The following PHF3 variants were observed in gnomAD, a reference collection of about 807,000 sequenced individuals.
PHF3 encodes PHD finger protein 3.
PHF3 carries 41 observed loss-of-function variants against 178.4 expected under a neutral mutation model. The ratio of observed to expected loss-of-function variants is 0.23; its 90% CI spans 0.18 to 0.30. The LOEUF is 0.30. Ranked by LOEUF, PHF3 falls within the 10% of genes least tolerant of loss-of-function variation. The pLI, the probability that PHF3 is intolerant of heterozygous loss-of-function variation, is 1.00. For missense variants in PHF3, 2,346 were observed against 2,398.1 expected, an observed-to-expected ratio of 0.98 and a Z score of 0.45; for synonymous variants, 842 against 800.5, an observed-to-expected ratio of 1.05 and a Z score of -0.88.
chr6:63,667,326 A>T (rs1445368678), intron 2 of PHF3, among the ~76,000 whole-genome samples: 1 of 152,206 alleles, frequency 6.6e-6, no homozygotes, highest in African/African-American at 2.4e-5. Flanking sequence ...TAAGCTTTAA[A>T]AAAATTTTTA....
chr6:63,655,198 G>A (rs1765183632), intron 2 of PHF3, among the ~76,000 whole-genome samples: 1 of 152,026 alleles, frequency 6.6e-6, no homozygotes, highest in Non-Finnish European at 1.5e-5. Flanking sequence ...TAAGTAGCTG[G>A]GATTATAGGT....
At position 63,721,403 on chromosome 6, in the gene PHF3, C is replaced by T; in HGVS notation, c.*7695C>T. On this transcript the variant is annotated 3_prime_UTR_variant, in exon 16 of 16. Transcript: ENST00000262043. ...TGCATGTGTTGTACCCACAGGCTGT[C>T]CCATCACAGTCACCTACATTTGAGC... 1 of 1,551,510 alleles carries T rather than the reference C, an allele frequency of 6.4e-7. No homozygotes were observed. The highest frequency in any genetic ancestry group is 8.7e-7 in the Non-Finnish European group (1 of 1,146,810).
At chr6:63,681,174 GTTTAT>G (rs1766418544) in intron 3 of PHF3, among the ~76,000 whole-genome samples, 1 of 151,938 alleles carries the variant, frequency 6.6e-6, no homozygotes, top group Non-Finnish European at 1.5e-5. Flanking sequence ...TTGTTGAGAA[GTTTAT>G]TTTGATGTGT....
intron 3 of PHF3, among the ~76,000 whole-genome samples, chr6:63,682,792 A>T (rs963194350): frequency 6.6e-6 from 1 of 152,082 alleles, no homozygotes; most frequent in Non-Finnish European, 1.5e-5. Flanking sequence ...TTTATCTGAA[A>T]ATCCTTCACA....
At chr6:63,662,163 CT>C (rs982662869) in intron 2 of PHF3, among the ~76,000 whole-genome samples, 3 of 152,158 alleles carry the variant, frequency 2.0e-5, no homozygotes, top group African/African-American at 7.2e-5. Flanking sequence ...AAACCACCCC[CT>C]CATCCGTGGA....
At position 63,716,194 on chromosome 6, in the gene PHF3, G is replaced by GCTCT. The variant is rs1267340188; in HGVS notation, c.*2486_*2487insCTCT. Among the ~76,000 whole-genome samples, 2 of 152,150 alleles carry GCTCT rather than the reference G, an allele frequency of 1.3e-5. No homozygotes were observed. Among genetic ancestry groups the GCTCT allele is most frequent in the Non-Finnish European group, 2.9e-5 (2 of 68,014 alleles). ...AGAGCTGAGGAAACTGGAACTTAGA[G>GCTCT]AAGTTGGGAAACTTGGCCAGGTTAC... On this transcript the variant is annotated 3_prime_UTR_variant, in exon 16 of 16. Coordinates refer to ENST00000262043, the MANE Select transcript of PHF3 (RefSeq NM_001370348.2).
chr6:63,684,568 T>A lies in PHF3; in HGVS notation c.846T>A (p.Gly282=). The change falls in exon 4 of 16, where the codon GGT becomes GGA. Residue 282 remains glycine (G), a synonymous_variant. Coordinates refer to ENST00000262043, the MANE Select transcript of PHF3 (RefSeq NM_001370348.2). ...ALMECKAKPV[G]SPLFKFSDKE... ...TGGAATGTAAAGCCAAGCCTGTTGG[T>A]AGTCCATTGTTTAAGTTTTCAGATA... 1 of 1,614,006 alleles carries A rather than the reference T, an allele frequency of 6.2e-7. No homozygotes were observed. The highest frequency in any genetic ancestry group is 8.5e-7 in the Non-Finnish European group (1 of 1,179,908).
In PHF3 at chr6:63,685,493, C is replaced by A; in HGVS notation, c.1771C>A (p.Pro591Thr). 6.2e-7 allele frequency: 1 copy of A among 1,614,010 alleles called. No homozygotes were observed. The highest frequency in any genetic ancestry group is 8.5e-7 in the Non-Finnish European group (1 of 1,180,004). ...QDQTLVQIFK[P>T]LTHSLSDKSH... ...TCAAACTTTAGTACAAATTTTCAAG[C>A]CCTTAACTCATTCTTTGAGTGATAA... The change falls in exon 4 of 16, where the codon CCC becomes ACC. Residue 591 changes from proline (P) to threonine (T), a missense_variant. Transcript: ENST00000262043.
chr6:63,656,129 C>T (rs1765224511), intron 2 of PHF3, among the ~76,000 whole-genome samples: 1 of 152,200 alleles, frequency 6.6e-6, no homozygotes, highest in Non-Finnish European at 1.5e-5. Context: ...ATTTCTGGCC[C>T]AAGGCCGGAG....
intron 8 of PHF3, among the ~76,000 whole-genome samples, chr6:63,700,044 A>AT (rs1334320872): frequency 6.6e-6 from 1 of 152,096 alleles, no homozygotes; most frequent in Non-Finnish European, 1.5e-5. Flanking sequence ...TATACTATAG[A>AT]TTGCTTATTG....
chr6:63,711,276 A>G lies in PHF3; in HGVS notation c.3911A>G (p.Asn1304Ser). 7 of 1,613,752 alleles carry G rather than the reference A, an allele frequency of 4.3e-6. No homozygotes were observed. The highest frequency in any genetic ancestry group is 5.9e-6 in the Non-Finnish European group (7 of 1,179,722). Residue 1304 changes from asparagine to serine, a missense_variant, in exon 15 of 16, where the codon AAC (asparagine) becomes AGC (serine). Transcript: ENST00000262043. The stretch of plus-strand genomic sequence containing the variant: ...AAGCGCTATGGAGTAGCTGCTAACA[A>G]CATGAAGCAGGTTAAAGATATGTAC... ...SRKRYGVAANNMKQVKDMYLI... is the reference protein window; with the variant it reads ...SRKRYGVAANSMKQVKDMYLI...
Position 63,714,725 on chromosome 6 carries a change from T to C in PHF3, c.*1017T>C, listed in dbSNP as rs1768124894. On this transcript the variant is annotated 3_prime_UTR_variant, in exon 16 of 16. Transcript: ENST00000262043. Reference sequence around the variant, plus strand: ...TTTATAGGTAAGTTTCTGAAAACTTTTACACCATCGCAATTTGGTACTCTG... The same window carrying C: ...TTTATAGGTAAGTTTCTGAAAACTTCTACACCATCGCAATTTGGTACTCTG... 1 of 152,068 alleles carries C rather than the reference T, an allele frequency of 6.6e-6. No individual in the cohort carries two copies. Among genetic ancestry groups the C allele is most frequent in the Non-Finnish European group, 1.5e-5 (1 of 67,962 alleles). 9.4% of individuals were successfully genotyped at this position (152,068 alleles called of 1,614,324 possible).
At position 63,712,498 on chromosome 6, in the gene PHF3, C is replaced by G. The variant is rs141474565; in HGVS notation, c.4910C>G (p.Ala1637Gly). The change falls in exon 16 of 16, where the codon GCT becomes GGT. Residue 1637 changes from alanine (A) to glycine (G), a missense_variant. By Grantham distance (60) the Ala-to-Gly change is moderately conservative. Coordinates refer to ENST00000262043, the MANE Select transcript of PHF3 (RefSeq NM_001370348.2). ...GTGAGCTGTAGTGAAAACCTTGTTGCTAATACAGCGAGGTCTCCACAGTTT... is the reference window on the plus strand; with the variant it reads ...GTGAGCTGTAGTGAAAACCTTGTTGGTAATACAGCGAGGTCTCCACAGTTT... ...GNVSCSENLV[A>G]NTARSPQFIN... 6.2e-7 allele frequency: 1 copy of G among 1,613,852 alleles called. No homozygotes were observed. The highest frequency in any genetic ancestry group is 1.3e-5 in the African/African-American group (1 of 74,996).
rs1767000460 is a variant in PHF3 at position 63,691,592 on chromosome 6, A to G, written c.2190-145A>G. 9.1e-6 allele frequency: 6 copies of G among 660,328 alleles called. No individual in the cohort carries two copies. The Admixed American group carries it at 1.7e-4, about 19-fold the overall frequency. 40.9% of individuals were successfully genotyped at this position (660,328 alleles called of 1,614,324 possible). Reference sequence around the variant, plus strand: ...ATTATTTTCTTTGAAAACTTGCTGTATGTTGAACTTATGGAACGGATAGAG... The same window carrying G: ...ATTATTTTCTTTGAAAACTTGCTGTGTGTTGAACTTATGGAACGGATAGAG... On this transcript the variant is annotated intron_variant, in intron 4 of 15. Coordinates refer to ENST00000262043, the MANE Select transcript of PHF3 (RefSeq NM_001370348.2).
At chr6:63,648,140 A>G (rs1217375478) in intron 2 of PHF3, among the ~76,000 whole-genome samples, 1 of 152,184 alleles carries the variant, frequency 6.6e-6, no homozygotes, top group Non-Finnish European at 1.5e-5. Flanking sequence ...TTGCTTGCTA[A>G]TAGTGTATCT....
intron 2 of PHF3, among the ~76,000 whole-genome samples, chr6:63,649,135 G>A (rs763593413): frequency 1.7e-4 from 26 of 150,404 alleles, no homozygotes; most frequent in Non-Finnish European, 3.6e-4. Flanking sequence ...TAGAGACAGG[G>A]TCTTGTTATA....
At chr6:63,703,697 A>C (rs1292287917) in intron 11 of PHF3, 26 bp downstream of exon 11, 1 of 1,580,332 alleles carries the variant, frequency 6.3e-7, no homozygotes, top group Non-Finnish European at 8.6e-7. Flanking sequence ...TCTTCGTAAA[A>C]TTTTGCATTC....
chr6:63,705,305 AAGAG>A (rs1275930815), intron 11 of PHF3, among the ~76,000 whole-genome samples: 1 of 152,190 alleles, frequency 6.6e-6, no homozygotes, highest in East Asian at 1.9e-4. Flanking sequence ...TCACTTCACT[AAGAG>A]AGGAATTACT....
chr6:63,685,801 C>T lies in PHF3; in HGVS notation c.2079C>T (p.Asn693=), dbSNP rs41271585. The T allele has an allele frequency of 2.0e-3, 3,183 of 1,613,872 alleles. 12 individuals are homozygous for T. Among genetic ancestry groups the T allele is most frequent in the Non-Finnish European group, 1.8e-3 (2,101 of 1,180,002 alleles). ...AGCCACCATTGTTCATTCCAGATAA[C>T]ATAGCTACCATAAGAAGAGAAGGCT... ...LDEPPLFIPD[N]IATIRREGSD... Residue 693 remains asparagine, a synonymous_variant, in exon 4 of 16, where the codon AAC becomes AAT. Transcript: ENST00000262043.
Sources: allele counts gnomAD v4.1 joint callset (sites outside exome capture counted in the v4.1 genomes callset), GRCh38; gene constraint gnomAD v4.1.1; transcripts MANE v1.5; gene names NCBI Gene and HGNC (gene_info 2026-07-23, HGNC 2026-07-21).